CPA6: variants seen among roughly 807,000 people sequenced by gnomAD.
CPA6 encodes carboxypeptidase A6.
Under a neutral mutation model 63.3 loss-of-function variants are expected in CPA6, and 58 were observed. That is an observed-to-expected ratio of 0.92 (90% CI 0.74 to 1.14). The LOEUF (loss-of-function observed/expected upper bound fraction) is 1.14. Among genes scored for constraint, CPA6 ranks in the 50% most tolerant of loss-of-function variants. The pLI is 0.00. For missense variants in CPA6, 565 were observed against 526.6 expected (o/e 1.07, Z -0.71); for synonymous variants, 185 against 179.0 (o/e 1.03, Z -0.27).
intron 6 of CPA6, among the ~76,000 whole-genome samples, chr8:67,492,139 ATAGCTGAC>A (rs1465071685): frequency 1.3e-5 from 2 of 152,224 alleles, no homozygotes; most frequent in Non-Finnish European, 2.9e-5. Context: ...CTTAGAACAA[ATAGCTGAC>A]TAGGAATGTT....
At chr8:67,729,747 G>A (rs141885327) in intron 1 of CPA6, among the ~76,000 whole-genome samples, 18 of 152,246 alleles carry the variant, frequency 1.2e-4, no homozygotes, top group African/African-American at 4.3e-4. Context: ...CCTGTAAGCC[G>A]CTCAGAGCCT....
chr8:67,643,084 A>G (rs1402014546), intron 1 of CPA6, among the ~76,000 whole-genome samples: 2 of 152,200 alleles, frequency 1.3e-5, no homozygotes, highest in Admixed American at 1.3e-4. Context: ...AAGATGCATT[A>G]CCTAAAAAAT....
intron 1 of CPA6, chr8:67,735,118 T>G (rs142000721): frequency 1.1e-3 from 173 of 152,320 alleles, no homozygotes; most frequent in African/African-American, 3.9e-3. Flanking sequence ...AGGAAGAGTG[T>G]GTTGACCTAA....
At chr8:67,581,661 T>G (rs1384440159) in intron 2 of CPA6, among the ~76,000 whole-genome samples, 1 of 152,228 alleles carries the variant, frequency 6.6e-6, no homozygotes, top group Non-Finnish European at 1.5e-5. Flanking sequence ...CAAGAGATGC[T>G]GTCTGTTCGA....
intron 8 of CPA6, among the ~76,000 whole-genome samples, chr8:67,447,614 A>G (rs532133950): frequency 6.6e-6 from 1 of 151,928 alleles, no homozygotes; most frequent in South Asian, 2.1e-4. Flanking sequence ...GGATATTTTT[A>G]ATTTTCATAG....
At chr8:67,671,973 G>A (rs1390328167) in intron 1 of CPA6, among the ~76,000 whole-genome samples, 2 of 151,992 alleles carry the variant, frequency 1.3e-5, no homozygotes, top group Non-Finnish European at 2.9e-5. Context: ...GGAATTACAG[G>A]TGCGCACCAC....
chr8:67,435,372 T>TC (rs1319082329), intron 8 of CPA6, among the ~76,000 whole-genome samples: 3 of 151,676 alleles, frequency 2.0e-5, no homozygotes, highest in East Asian at 3.9e-4. Flanking sequence ...TCGCCATCCC[T>TC]CCCCCCAGCG....
At chr8:67,504,725 C>T (rs550857684) in intron 6 of CPA6, among the ~76,000 whole-genome samples, 1 of 152,272 alleles carries the variant, frequency 6.6e-6, no homozygotes, top group South Asian at 2.1e-4. Flanking sequence ...ACCTCTAGGC[C>T]TCCTTTGTTC....
intron 2 of CPA6, among the ~76,000 whole-genome samples, chr8:67,561,158 A>G (rs1813201666): frequency 6.6e-6 from 1 of 152,114 alleles, no homozygotes; most frequent in Admixed American, 6.6e-5. Context: ...TGCTTATAGA[A>G]CTTCAAAATT....
chr8:67,543,223 A>G (rs913410721), intron 2 of CPA6, among the ~76,000 whole-genome samples: 5 of 152,228 alleles, frequency 3.3e-5, no homozygotes, highest in Non-Finnish European at 4.4e-5. Context: ...CTCAAGCAAA[A>G]TAGAAATGAT....
intron 1 of CPA6, among the ~76,000 whole-genome samples, chr8:67,691,422 GT>G (rs1363493286): frequency 6.6e-6 from 1 of 152,134 alleles, no homozygotes; most frequent in African/African-American, 2.4e-5. Context: ...TTTCAGGCCT[GT>G]CCCCCAAAAC....
intron 9 of CPA6, among the ~76,000 whole-genome samples, chr8:67,433,579 A>G (rs894623400): frequency 2.0e-5 from 3 of 152,368 alleles, no homozygotes; most frequent in Middle Eastern, 3.4e-3. Context: ...ATCAATCTAT[A>G]ATTTATGAAT....
intron 1 of CPA6, among the ~76,000 whole-genome samples, chr8:67,659,983 CG>C (rs1816072554): frequency 6.6e-6 from 1 of 152,062 alleles, no homozygotes; most frequent in South Asian, 2.1e-4. Context: ...TTCCCTCTAC[CG>C]TGGAAAAGTT....
At position 67,472,152 on chromosome 8, in the gene CPA6, G is replaced by A. The variant is rs146204040; in HGVS notation, c.838+11616C>T. On this transcript the variant is annotated intron_variant, in intron 8 of 10. Transcript: ENST00000297770. ...TCATATGCTGACAGAAAGACTGGAG[G>A]CCTCCTAAAGACTGAGCAGCATGGG... Among the ~76,000 whole-genome samples the A allele has an allele frequency of 4.3e-3, 652 of 152,180 alleles. 3 individuals carry two copies. The highest frequency in any genetic ancestry group is 7.7e-3 in the Non-Finnish European group (523 of 67,998).
At position 67,629,701 on chromosome 8, in the gene CPA6, T is replaced by C. The variant is rs151257727; in HGVS notation, c.117-5450A>G. On this transcript the variant is annotated intron_variant, in intron 1 of 10. Transcript: ENST00000297770. ...ATGAACCTCTGTTCCCAACATGCAG[T>C]TCAAACAAACAATAACAAATATAGT... Among the ~76,000 whole-genome samples the C allele has an allele frequency of 6.3e-3, 963 of 152,318 alleles. 10 individuals carry two copies. The highest frequency in any genetic ancestry group is 0.021 in the African/African-American group (855 of 41,556).
chr8:67,746,157 T>TA lies in CPA6; in HGVS notation c.-29dup. Reference sequence around the variant, plus strand: ...TGTTAAGAAGAGAGGAGTTGAAAGTTACTTAAGCAGCCACCCGAGGCTGGA... The same window carrying TA: ...TGTTAAGAAGAGAGGAGTTGAAAGTTAACTTAAGCAGCCACCCGAGGCTGGA... On this transcript the variant is annotated 5_prime_UTR_variant, in exon 1 of 11. Transcript: ENST00000297770. 1 of 1,572,500 alleles carries TA rather than the reference T, an allele frequency of 6.4e-7. No homozygotes were observed. The highest frequency in any genetic ancestry group is 8.7e-7 in the Non-Finnish European group (1 of 1,148,478).
Position 67,521,251 on chromosome 8 carries a change from A to G in CPA6, c.193-3204T>C, listed in dbSNP as rs77927148. ...TATTCCCGTGTGTTCTTTTCCTCACATGATTACTAGTCACATATATACAGA... is the reference window on the plus strand; with the variant it reads ...TATTCCCGTGTGTTCTTTTCCTCACGTGATTACTAGTCACATATATACAGA... On this transcript the variant is annotated intron_variant, in intron 2 of 10. Transcript: ENST00000297770. Among the ~76,000 whole-genome samples the G allele has an allele frequency of 3.1e-3, 468 of 152,322 alleles. 1 individual carries two copies. Among genetic ancestry groups the G allele is most frequent in the South Asian group, 6.8e-3 (33 of 4,828 alleles).
At chr8:67,454,572 G>A (rs1810628398) in intron 8 of CPA6, among the ~76,000 whole-genome samples, 1 of 152,154 alleles carries the variant, frequency 6.6e-6, no homozygotes, top group Non-Finnish European at 1.5e-5. Context: ...AATGTTTTAG[G>A]AGTATAAGAA....
chr8:67,559,019 T>C (rs1473962295), intron 2 of CPA6, among the ~76,000 whole-genome samples: 1 of 152,208 alleles, frequency 6.6e-6, no homozygotes, highest in Admixed American at 6.5e-5. Context: ...TGTTGACTCA[T>C]GTTGCTTTTC....
Sources: gnomAD v4.1 joint callset for allele counts (sites outside exome capture counted in the v4.1 genomes callset) on GRCh38, gnomAD v4.1.1 for gene constraint, MANE v1.5 for transcripts, NCBI Gene and HGNC (gene_info 2026-07-23, HGNC 2026-07-21) for gene names.